Variants in ST3GAL2 observed in about 807,000 individuals in gnomAD.
The protein encoded by ST3GAL2 is CMP-N-acetylneuraminate-beta-galactosamide-alpha-2,3-sialyltransferase 2.
ST3GAL2 carries 16 observed loss-of-function variants against 37.5 expected under a neutral mutation model. The ratio of observed to expected loss-of-function variants is 0.43; its 90% CI spans 0.29 to 0.65. ST3GAL2 has a LOEUF of 0.65. Among genes scored for constraint, ST3GAL2 ranks in the 30% least tolerant of loss-of-function variants. ST3GAL2 has a pLI of 0.17. For missense variants in ST3GAL2, 383 were observed against 487.8 expected (o/e 0.79, Z 2.02); for synonymous variants, 238 against 202.9 (o/e 1.17, Z -1.47).
chr16:70,403,349 G>C lies in ST3GAL2; in HGVS notation c.-1003-3816C>G, dbSNP rs541031000. 6.6e-5 allele frequency among the ~76,000 whole-genome samples: 10 copies of C among 152,284 alleles called. No homozygotes were observed. The South Asian group carries it at 1.5e-3, about 22-fold the overall frequency. On this transcript the variant is annotated intron_variant, in intron 1 of 6. Transcript: ENST00000342907. ...ATACAGAAAAGACAGAAAATTAATG[G>C]GTTTGGCTGAGAAAAAACAAAAGTT... is the stretch of plus-strand genomic sequence containing the variant.
At chr16:70,426,482 G>C (rs1180038200) in intron 1 of ST3GAL2, among the ~76,000 whole-genome samples, 1 of 150,362 alleles carries the variant, frequency 6.7e-6, no homozygotes, top group Non-Finnish European at 1.5e-5. Context: ...TTACAGGTGT[G>C]AGCCACCACA....
intron 1 of ST3GAL2, among the ~76,000 whole-genome samples, chr16:70,405,986 G>A (rs1023341171): frequency 1.2e-4 from 18 of 151,594 alleles, no homozygotes; most frequent in East Asian, 3.9e-4. Flanking sequence ...GCGTGAACCC[G>A]GGAGGCAGAG....
chr16:70,395,073 G>C lies in ST3GAL2; in HGVS notation c.442C>G (p.Gln148Glu). The C allele has an allele frequency of 6.2e-7, 1 of 1,613,972 alleles. No homozygotes were observed. Among genetic ancestry groups the C allele is most frequent in the Non-Finnish European group, 8.5e-7 (1 of 1,179,968 alleles). The change falls in exon 3 of 7, where the codon CAG becomes GAG. Residue 148 changes from glutamine (Q) to glutamate (E), a missense_variant. Gln to Glu is a conservative substitution (Grantham distance 29). Around this residue, in one of 2 missense-constraint regions of ST3GAL2, gnomAD observed 223 missense variants for 239.1 expected, o/e 0.93. Coordinates refer to ENST00000342907, the MANE Select transcript of ST3GAL2 (RefSeq NM_006927.4). ...CCCACCACGGCACAGCGCCGGCACT[G>C]GTGGGGGTCCCGGAAGCGGTAGGGG... is the stretch of plus-strand genomic sequence containing the variant. ...ENPYRFRDPH[Q>E]CRRCAVVGNS...
In ST3GAL2 at chr16:70,379,727, T is replaced by C. The variant is rs376895920; in HGVS notation, c.*1962A>G. 1 of 152,156 alleles carries C rather than the reference T, an allele frequency of 6.6e-6. No homozygotes were observed. Among genetic ancestry groups the C allele is most frequent in the Non-Finnish European group, 1.5e-5 (1 of 68,078 alleles). The allele number at this position is 152,156 out of a possible 1,614,324, so 9.4% of individuals were successfully genotyped here. A position where few individuals can be genotyped will look rare whatever the true frequency, so the allele number is the denominator to read the frequency against. ...ACCTTCGCCTCCTCGGTTCAAGGGA[T>C]TCTCCTGCCTCAGCCTTCCAAGTAG... On this transcript the variant is annotated 3_prime_UTR_variant, in exon 7 of 7. Transcript: ENST00000342907.
chr16:70,381,700 G>A lies in ST3GAL2; in HGVS notation c.1042C>T (p.Arg348Trp). The A allele has an allele frequency of 6.2e-7, 1 of 1,613,654 alleles. No individual in the cohort carries two copies. The highest frequency in any genetic ancestry group is 2.2e-5 in the East Asian group (1 of 44,876). ...CGGCGAGGCCCGGCTCAGTTGCCCC[G>A]GTAGACTTCGATCTTGCTGGCCTTG... is the stretch of plus-strand genomic sequence containing the variant. ...LAKASKIEVY[R>W]GN Residue 348 changes from arginine to tryptophan, a missense_variant, in exon 7 of 7, where the codon CGG becomes TGG. This residue lies in a region of ST3GAL2 where 160 missense variants were observed against 248.6 expected (regional missense o/e 0.64). Transcript: ENST00000342907.
intron 1 of ST3GAL2, among the ~76,000 whole-genome samples, chr16:70,402,423 G>A (rs1211780895): frequency 1.3e-5 from 2 of 151,882 alleles, no homozygotes; most frequent in Non-Finnish European, 2.9e-5. Flanking sequence ...AAAAAGAGTA[G>A]TCATGGATAA....
chr16:70,424,135 C>T (rs561758494), intron 1 of ST3GAL2, among the ~76,000 whole-genome samples: 27 of 150,630 alleles, frequency 1.8e-4, no homozygotes, highest in African/African-American at 5.8e-4. Flanking sequence ...CACAGGCATG[C>T]GCCATGACGC....
rs1157397811 is a variant in ST3GAL2, at chr16:70,398,494, C to T, written c.37G>A (p.Ala13Thr). The stretch of plus-strand genomic sequence containing the variant: ...GACATGATGAACACCAGCAGGAAGG[C>T]CACGGAGAGGAACCACACCCGCAGG... Reference protein sequence around the residue: ...CSLRVWFLSVAFLLVFIMSLL... With the variant: ...CSLRVWFLSVTFLLVFIMSLL... The change falls in exon 2 of 7, where the codon GCC becomes ACC. Residue 13 changes from alanine to threonine, a missense_variant. Physicochemically the swap from Ala to Thr is moderately conservative, Grantham distance 58. Transcript: ENST00000342907. 6.2e-7 allele frequency: 1 copy of T among 1,612,256 alleles called. No individual in the cohort carries two copies. The highest frequency in any genetic ancestry group is 1.3e-5 in the African/African-American group (1 of 75,042).
intron 3 of ST3GAL2, among the ~76,000 whole-genome samples, chr16:70,391,777 TCTC>T (rs2047483964): frequency 6.6e-6 from 1 of 152,116 alleles, no homozygotes; most frequent in African/African-American, 2.4e-5. Context: ...CTCTTTTTCT[TCTC>T]CTTTTTTAAA....
At chr16:70,394,328 C>T (rs2047501129) in intron 3 of ST3GAL2, among the ~76,000 whole-genome samples, 1 of 152,188 alleles carries the variant, frequency 6.6e-6, no homozygotes, top group Non-Finnish European at 1.5e-5. Context: ...TTGGGGCCCT[C>T]ACTCCTTGCC....
chr16:70,414,734 G>A (rs1369871641), intron 1 of ST3GAL2, among the ~76,000 whole-genome samples: 2 of 152,242 alleles, frequency 1.3e-5, no homozygotes, highest in East Asian at 3.9e-4. Context: ...GTGCGGTAGT[G>A]TGATCTCAGC....
At chr16:70,431,516 G>A (rs1273968085) in intron 1 of ST3GAL2, among the ~76,000 whole-genome samples, 1 of 152,162 alleles carries the variant, frequency 6.6e-6, no homozygotes, top group African/African-American at 2.4e-5. Context: ...AGAAGAAGCT[G>A]GGTTGTTTTC....
chr16:70,412,282 TGA>T (rs1413089352), intron 1 of ST3GAL2, among the ~76,000 whole-genome samples: 4 of 152,234 alleles, frequency 2.6e-5, no homozygotes, highest in African/African-American at 9.6e-5. Flanking sequence ...CATCCAATGT[TGA>T]TAAGATATTA....
chr16:70,382,165 G>A (rs925329116), intron 6 of ST3GAL2, among the ~76,000 whole-genome samples: 1 of 151,892 alleles, frequency 6.6e-6, no homozygotes, highest in Non-Finnish European at 1.5e-5. Context: ...CTGGTGGAAC[G>A]GGTTCTCTGA....
At chr16:70,403,126 C>T (rs2047567114) in intron 1 of ST3GAL2, among the ~76,000 whole-genome samples, 1 of 148,324 alleles carries the variant, frequency 6.7e-6, no homozygotes. Context: ...GGAACTGTTG[C>T]AATATCCCAG....
At chr16:70,413,788 A>AAATG (rs1176047333) in intron 1 of ST3GAL2, among the ~76,000 whole-genome samples, 7 of 149,112 alleles carry the variant, frequency 4.7e-5, no homozygotes, top group Non-Finnish European at 1.0e-4. Context: ...ATAAATAAAT[A>AAATG]AAAGCTTTAG....
rs768327101 is a variant in ST3GAL2 at position 70,381,627 on chromosome 16, G to A, written c.*62C>T. ...GATTGGTCGCGGGTTGCTGGTCCTGGGTCCCGGGCCGGAGCCCCGGTGCCC... is the reference window on the plus strand; with the variant it reads ...GATTGGTCGCGGGTTGCTGGTCCTGAGTCCCGGGCCGGAGCCCCGGTGCCC... On this transcript the variant is annotated 3_prime_UTR_variant, in exon 7 of 7. Coordinates refer to ENST00000342907, the MANE Select transcript of ST3GAL2 (RefSeq NM_006927.4). 101 of 1,573,242 alleles carry A rather than the reference G, an allele frequency of 6.4e-5. No homozygotes were observed. The highest frequency in any genetic ancestry group is 8.4e-5 in the Non-Finnish European group (98 of 1,160,200).
chr16:70,414,992 G>C (rs1244180697), intron 1 of ST3GAL2, among the ~76,000 whole-genome samples: 1 of 152,136 alleles, frequency 6.6e-6, no homozygotes, highest in Non-Finnish European at 1.5e-5. Flanking sequence ...TCCTGCGTCA[G>C]CCTCCCGAGT....
intron 1 of ST3GAL2, among the ~76,000 whole-genome samples, chr16:70,433,182 G>T (rs1033039188): frequency 5.9e-5 from 9 of 152,222 alleles, no homozygotes; most frequent in Admixed American, 5.2e-4. Context: ...CTGCTCTGAA[G>T]ACAGCTACTT....
Sources: allele counts gnomAD v4.1 joint callset (sites outside exome capture counted in the v4.1 genomes callset), GRCh38; gene constraint gnomAD v4.1.1; regional missense constraint gnomAD v4.1.1; transcripts MANE v1.5; gene names NCBI Gene and HGNC (gene_info 2026-07-23, HGNC 2026-07-21).